The following CUX2 variants were observed in gnomAD, a reference collection of about 807,000 sequenced individuals.
CUX2 encodes homeobox protein cut-like 2.
In CUX2, 40 loss-of-function variants were observed where a neutral mutation model predicts 144.8. The observed-to-expected ratio is 0.28, with a 90% CI of 0.21 to 0.36. The LOEUF (loss-of-function observed/expected upper bound fraction) is 0.36. CUX2 is among the 10% of genes least tolerant of loss of function. CUX2 has a pLI of 1.00. For missense variants in CUX2, 1,615 were observed against 1,994.0 expected, an observed-to-expected ratio of 0.81 and a Z score of 3.62; for synonymous variants, 827 against 875.6, an observed-to-expected ratio of 0.94 and a Z score of 0.98.
intron 16 of CUX2, among the ~76,000 whole-genome samples, chr12:111,316,099 G>GT (rs1295185484): frequency 1.3e-5 from 2 of 148,790 alleles, no homozygotes; most frequent in Non-Finnish European, 3.0e-5. Flanking sequence ...GCAAGTATGA[G>GT]TTTTTTTTAA....
chr12:111,089,900 A>G (rs1361722374), intron 1 of CUX2, among the ~76,000 whole-genome samples: 1 of 152,216 alleles, frequency 6.6e-6, no homozygotes, highest in Non-Finnish European at 1.5e-5. Flanking sequence ...CAGGGGGCTC[A>G]TGGGCAGATA....
chr12:111,060,999 A>G (rs1406339971), intron 1 of CUX2, among the ~76,000 whole-genome samples: 2 of 152,136 alleles, frequency 1.3e-5, no homozygotes, highest in African/African-American at 4.8e-5. Flanking sequence ...AAGCAGTGAC[A>G]CCTGCCACCT....
intron 3 of CUX2, among the ~76,000 whole-genome samples, chr12:111,228,262 A>G (rs1882275881): frequency 1.3e-5 from 2 of 151,744 alleles, no homozygotes; most frequent in Non-Finnish European, 2.9e-5. Context: ...CCTGGGTTCA[A>G]CTCCCCATTT....
intron 3 of CUX2, among the ~76,000 whole-genome samples, chr12:111,230,175 G>GA: frequency 6.7e-6 from 1 of 148,216 alleles, no homozygotes; most frequent in South Asian, 2.3e-4. Context: ...GACAGAGAAG[G>GA]AGGGAGGGAA....
intron 1 of CUX2, among the ~76,000 whole-genome samples, chr12:111,111,924 TCTC>T (rs1210654422): frequency 6.6e-6 from 1 of 152,144 alleles, no homozygotes; most frequent in Non-Finnish European, 1.5e-5. Context: ...CCACGGGGCT[TCTC>T]CTTTCTTTTT....
intron 4 of CUX2, among the ~76,000 whole-genome samples, chr12:111,273,335 C>T (rs1884715579): frequency 6.6e-6 from 1 of 152,148 alleles, no homozygotes; most frequent in Non-Finnish European, 1.5e-5. Context: ...AGGTAGGTTC[C>T]ATCATCCTTC....
Position 111,307,359 on chromosome 12 carries a change from G to A in CUX2, c.1109+102G>A. 9.5e-7 allele frequency: 1 copy of A among 1,057,606 alleles called. No individual in the cohort carries two copies. The highest frequency in any genetic ancestry group is 1.4e-6 in the Non-Finnish European group (1 of 715,306). The allele number at this position is 1,057,606 out of a possible 1,614,324, so 65.5% of individuals were successfully genotyped here. ...TCCTCCCTCCTACTAAACCCCATTT[G>A]TTCTTCTCTCCACTAACACTGTGGA... is the stretch of plus-strand genomic sequence containing the variant. On this transcript the variant is annotated intron_variant, in intron 12 of 21. Coordinates refer to ENST00000261726, the MANE Select transcript of CUX2 (RefSeq NM_015267.4). The surrounding 1 kb of genome is among the most constrained non-coding windows in gnomAD (Gnocchi z 4.1).
At chr12:111,138,231 C>T (rs938047218) in intron 1 of CUX2, among the ~76,000 whole-genome samples, 1 of 152,180 alleles carries the variant, frequency 6.6e-6, no homozygotes. Context: ...ATCTGGGAGT[C>T]GCTCACTTCA....
At position 111,328,182 on chromosome 12, in the gene CUX2, G is replaced by C. The variant is rs1212811044; in HGVS notation, c.2926+5602G>C. 2.6e-5 allele frequency among the ~76,000 whole-genome samples: 4 copies of C among 152,106 alleles called. No individual in the cohort carries two copies. The South Asian group carries it at 6.2e-4, about 24-fold the overall frequency. On this transcript the variant is annotated intron_variant, in intron 18 of 21. Coordinates refer to ENST00000261726, the MANE Select transcript of CUX2 (RefSeq NM_015267.4). ...GCCTCTGCTTGTTCATAACCCACTG[G>C]GCCTGGAAGCAAAAGGGTGTATCCA...
chr12:111,294,015 G>C (rs180889748), intron 6 of CUX2, among the ~76,000 whole-genome samples: 1 of 152,344 alleles, frequency 6.6e-6, no homozygotes, highest in African/African-American at 2.4e-5. Flanking sequence ...TTTTAGAGAT[G>C]GGATCTTGCT....
At chr12:111,332,465 T>C (rs1485786535) in intron 18 of CUX2, among the ~76,000 whole-genome samples, 1 of 152,112 alleles carries the variant, frequency 6.6e-6, no homozygotes, top group Admixed American at 6.6e-5. Flanking sequence ...CATTGCACCA[T>C]GGACATCTTT....
intron 1 of CUX2, among the ~76,000 whole-genome samples, chr12:111,087,366 C>CAAAAAAAAAAAAAAAAA (rs1159500448): frequency 2.2e-5 from 1 of 45,048 alleles, no homozygotes; most frequent in Non-Finnish European, 5.2e-5. Flanking sequence ...GACTCCATCT[C>CAAAAAAAAAAAAAAAAA]AAAAAAAAAA....
At chr12:111,210,265 T>C (rs1454429535) in intron 1 of CUX2, among the ~76,000 whole-genome samples, 1 of 152,208 alleles carries the variant, frequency 6.6e-6, no homozygotes, top group African/African-American at 2.4e-5. Flanking sequence ...GAAAGACCCG[T>C]GCCGATGCTG....
chr12:111,068,172 C>CA lies in CUX2; in HGVS notation c.63+33939dup, dbSNP rs1406832378. ...GTTCTCCCCGCTTTATCTTTGATCT[C>CA]AAAAAAAGATCATCTTGGAAAAGAT... is the stretch of plus-strand genomic sequence containing the variant. On this transcript the variant is annotated intron_variant, in intron 1 of 21. Transcript: ENST00000261726. The surrounding 1 kb of genome is among the most constrained non-coding windows in gnomAD (Gnocchi z 4.9). Among the ~76,000 whole-genome samples the CA allele has an allele frequency of 6.6e-6, 1 of 152,036 alleles. No homozygotes were observed. The highest frequency in any genetic ancestry group is 6.5e-5 in the Admixed American group (1 of 15,272).
At chr12:111,245,066 T>A (rs1404833331) in intron 3 of CUX2, among the ~76,000 whole-genome samples, 1 of 152,186 alleles carries the variant, frequency 6.6e-6, no homozygotes. Context: ...CCCCCTACTC[T>A]GAGAAATGGA....
chr12:111,201,659 TACCTGGCACCTTCTCAGCCCTGC>T (rs1306150371), intron 1 of CUX2, among the ~76,000 whole-genome samples: 3 of 152,118 alleles, frequency 2.0e-5, no homozygotes, highest in East Asian at 1.9e-4. Context: ...AATGCTTCCC[TACCTGGCACCTTCTCAGCCCTGC>T]ACCTGGCACC....
chr12:111,169,217 C>T (rs948070757), intron 1 of CUX2, among the ~76,000 whole-genome samples: 18 of 152,052 alleles, frequency 1.2e-4, no homozygotes, highest in Admixed American at 2.0e-4. Context: ...GGGATGGGAG[C>T]GATGCCACAA....
At chr12:111,334,295 G>A in intron 18 of CUX2, 146 bp from the exon 19 acceptor site, 1 of 743,294 alleles carries the variant, frequency 1.3e-6, no homozygotes, top group Admixed American at 3.2e-5. Flanking sequence ...TTAGCATCCA[G>A]GGTGGTCCCT....
At chr12:111,325,163 A>G (rs1028073012) in intron 18 of CUX2, among the ~76,000 whole-genome samples, 6 of 151,222 alleles carry the variant, frequency 4.0e-5, no homozygotes, top group South Asian at 2.1e-4. Context: ...GCGTGGTGGC[A>G]GGCGCCTGTA....
Sources: gnomAD v4.1 joint callset for allele counts (sites outside exome capture counted in the v4.1 genomes callset) on GRCh38, gnomAD v4.1.1 for gene constraint, Gnocchi (gnomAD v3.1) non-coding constraint, MANE v1.5 for transcripts, NCBI Gene and HGNC (gene_info 2026-07-23, HGNC 2026-07-21) for gene names.